The following DSPP variants were observed in gnomAD, a reference collection of about 807,000 sequenced individuals.
The protein encoded by DSPP is deafness, autosomal dominant 39.
DSPP carries 28 observed loss-of-function variants against 29.1 expected under a neutral mutation model. The observed-to-expected ratio is 0.96, with a 90% confidence interval of 0.71 to 1.32. The LOEUF is 1.32. Among genes scored for constraint, DSPP ranks in the 40% most tolerant of loss-of-function variants. The pLI, the probability that DSPP is intolerant of heterozygous loss-of-function variation, is 0.00. For synonymous variants in DSPP, 481 were observed against 503.4 expected (o/e 0.96, Z 0.60); for missense variants, 1,281 against 1,629.9 (o/e 0.79, Z 3.69).
In DSPP at chr4:87,616,254, A is replaced by G. The variant is rs1166993020; in HGVS notation, c.3592A>G (p.Ser1198Gly). The change falls in exon 5 of 5, where the codon AGC becomes GGC. Residue 1198 changes from serine (S) to glycine (G), a missense_variant. Around this residue, in one of 4 missense-constraint regions of DSPP, gnomAD observed 134 missense variants for 185.0 expected, o/e 0.72. Transcript: ENST00000651931. ...CAGTGACAGCAGCGACAGCAGCGATAGCAGCGACAGCAGCGATAGTAGTGA... is the reference window on the plus strand; with the variant it reads ...CAGTGACAGCAGCGACAGCAGCGATGGCAGCGACAGCAGCGATAGTAGTGA... ...DSSDSSDSSD[S>G]SDSSDSSDSS... The G allele has an allele frequency of 1.3e-6, 2 of 1,532,924 alleles. No homozygotes were observed. The highest frequency in any genetic ancestry group is 2.8e-5 in the African/African-American group (2 of 71,298). 95.0% of individuals were successfully genotyped at this position (1,532,924 alleles called of 1,614,324 possible). A position where few individuals can be genotyped will look rare whatever the true frequency, so the allele number is the denominator to read the frequency against.
In DSPP at chr4:87,611,061, G is replaced by GTGTGCA; in HGVS notation, c.51+104_51+105insTGCATG. ...TGTGTGTGTGTGTGTGTGTGTGTGTGTGCATGTACATGTGTGTATATATGT... is the reference window on the plus strand; with the variant it reads ...TGTGTGTGTGTGTGTGTGTGTGTGTGTGTGCATGCATGTACATGTGTGTATATATGT... On this transcript the variant is annotated intron_variant, in intron 2 of 4. Coordinates refer to ENST00000651931, the MANE Select transcript of DSPP (RefSeq NM_014208.3). 3 of 1,140,526 alleles carry GTGTGCA rather than the reference G, an allele frequency of 2.6e-6. No homozygotes were observed. The South Asian group carries it at 3.8e-5, about 14-fold the overall frequency. The allele number at this position is 1,140,526 out of a possible 1,614,324, so 70.7% of individuals were successfully genotyped here. A position where few individuals can be genotyped will look rare whatever the true frequency, so the allele number is the denominator to read the frequency against.
At chr4:87,610,165 T>A (rs1042317095) in intron 1 of DSPP, among the ~76,000 whole-genome samples, 1 of 152,108 alleles carries the variant, frequency 6.6e-6, no homozygotes, top group East Asian at 1.9e-4. Context: ...TTTTAAACAG[T>A]GCAATGCGTT....
At chr4:87,611,065 A>ATGTACATG in intron 2 of DSPP, 106 bp downstream of exon 2, 1 of 615,852 alleles carries the variant, frequency 1.6e-6, no homozygotes, top group Non-Finnish European at 2.6e-6. Context: ...GTGTGTGTGC[A>ATGTACATG]TGTACATGTG....
chr4:87,613,359 C>T (rs1326141495), intron 4 of DSPP, 51 bp downstream of exon 4: 2 of 1,588,968 alleles, frequency 1.3e-6, no homozygotes, highest in East Asian at 4.5e-5. Context: ...TTCTTCCCCT[C>T]CATCTATTGA....
At chr4:87,609,775 TAGG>T (rs1347803127) in intron 1 of DSPP, among the ~76,000 whole-genome samples, 1 of 152,232 alleles carries the variant, frequency 6.6e-6, no homozygotes, top group Non-Finnish European at 1.5e-5. Context: ...GTTCATGAAA[TAGG>T]AGTAAAACTC....
rs777900733 is a variant in DSPP at position 87,615,277 on chromosome 4, A to C, written c.2615A>C (p.Asp872Ala). 3.6e-5 allele frequency: 54 copies of C among 1,515,414 alleles called. No homozygotes were observed. In the East Asian group the frequency reaches 6.1e-4, roughly 17 times the overall value. The allele number at this position is 1,515,414 out of a possible 1,614,324, so 93.9% of individuals were successfully genotyped here. A position where few individuals can be genotyped will look rare whatever the true frequency, so the allele number is the denominator to read the frequency against. ...SNSSDSSDSS[D>A]SSNSSDSSDS... ...AGTAGTGACAGCAGCGATAGCAGTGACAGCAGCAACAGCAGTGACAGCAGT... is the reference window on the plus strand; with the variant it reads ...AGTAGTGACAGCAGCGATAGCAGTGCCAGCAGCAACAGCAGTGACAGCAGT... The change falls in exon 5 of 5, where the codon GAC becomes GCC. Residue 872 changes from aspartate (D) to alanine (A), a missense_variant. Asp to Ala is a moderately radical substitution (Grantham distance 126, BLOSUM62 -2). This residue lies in a region of DSPP where 444 missense variants were observed against 611.4 expected (regional missense o/e 0.73). Coordinates refer to ENST00000651931, the MANE Select transcript of DSPP (RefSeq NM_014208.3).
chr4:87,612,274 C>T lies in DSPP; in HGVS notation c.136-48C>T, dbSNP rs758118247. The T allele has an allele frequency of 1.3e-5, 21 of 1,612,674 alleles. No homozygotes were observed. The South Asian group carries it at 2.2e-4, about 17-fold the overall frequency. On this transcript the variant is annotated intron_variant, in intron 3 of 4. Coordinates refer to ENST00000651931, the MANE Select transcript of DSPP (RefSeq NM_014208.3). ...TTCTCCAAGATTGCAATTTGCTTTC[C>T]TTCAAGATCATTGATACTTATAATT...
In DSPP at chr4:87,613,077, A is replaced by G. The variant is rs748555876; in HGVS notation, c.891A>G (p.Gln297=). Residue 297 remains glutamine, a synonymous_variant, in exon 4 of 5, where the codon CAA becomes CAG. Transcript: ENST00000651931. The part of the protein sequence containing the change: ...KEDDHDSSIG[Q]NSDSKEYYDP... Reference sequence around the variant, plus strand: ...ATGATCATGATAGTAGCATAGGTCAAAATTCAGATAGTAAAGAATATTATG... The same window carrying G: ...ATGATCATGATAGTAGCATAGGTCAGAATTCAGATAGTAAAGAATATTATG... 1.2e-6 allele frequency: 2 copies of G among 1,614,170 alleles called. No homozygotes were observed. The highest frequency in any genetic ancestry group is 1.7e-5 in the Admixed American group (1 of 60,022).
chr4:87,616,309 G>T lies in DSPP; in HGVS notation c.3647G>T (p.Ser1216Ile). The T allele has an allele frequency of 6.6e-7, 1 of 1,514,892 alleles. No homozygotes were observed. The highest frequency in any genetic ancestry group is 2.5e-5 in the East Asian group (1 of 39,694). 93.8% of individuals were successfully genotyped at this position (1,514,892 alleles called of 1,614,324 possible). A position where few individuals can be genotyped will look rare whatever the true frequency, so the allele number is the denominator to read the frequency against. ...AGTGACAGCAGTGACAGCAGCGACA[G>T]CAGTGACAGCAGCGACAGCAGTGAC... is the stretch of plus-strand genomic sequence containing the variant. The part of the protein sequence containing the change: ...DSSDSSDSSD[S>I]SDSSDSSDSS... Residue 1216 changes from serine (S) to isoleucine (I), a missense_variant, in exon 5 of 5, where the codon AGC (serine) becomes ATC (isoleucine). By Grantham distance (142) the Ser-to-Ile change is moderately radical (BLOSUM62 -2). Coordinates refer to ENST00000651931, the MANE Select transcript of DSPP (RefSeq NM_014208.3).
chr4:87,616,210 G>A lies in DSPP; in HGVS notation c.3548G>A (p.Ser1183Asn), dbSNP rs1727934783. Residue 1183 changes from serine (S) to asparagine (N), a missense_variant, in exon 5 of 5, where the codon AGC becomes AAC. By Grantham distance (46) the Ser-to-Asn change is conservative. Around this residue, in one of 4 missense-constraint regions of DSPP, gnomAD observed 134 missense variants for 185.0 expected, o/e 0.72. Transcript: ENST00000651931. The stretch of plus-strand genomic sequence containing the variant: ...AGTGACAGCAGCAATAGCAGTGATA[G>A]CAGCGACAGCAGTGATAGCAGTGAC... ...DSSDSSNSSD[S>N]SDSSDSSDSS... 1.3e-6 allele frequency: 2 copies of A among 1,542,268 alleles called. No homozygotes were observed. The highest frequency in any genetic ancestry group is 1.4e-5 in the African/African-American group (1 of 72,196).
Position 87,616,461 on chromosome 4 carries a change from G to A in DSPP, c.3799G>A (p.Asp1267Asn). Residue 1267 changes from aspartate (D) to asparagine (N), a missense_variant, in exon 5 of 5, where the codon GAT becomes AAT. Asp to Asn is a conservative substitution (Grantham distance 23). This residue lies in a region of DSPP where 134 missense variants were observed against 185.0 expected (regional missense o/e 0.72). Transcript: ENST00000651931. ...CAGTGACAGCACATCTGACAGCAAT[G>A]ATGAGAGTGACAGCCAGAGCAAGTC... is the stretch of plus-strand genomic sequence containing the variant. ...DSSDSTSDSN[D>N]ESDSQSKSGN... The A allele has an allele frequency of 6.4e-7, 1 of 1,551,728 alleles. No homozygotes were observed. Among genetic ancestry groups the A allele is most frequent in the South Asian group, 1.2e-5 (1 of 84,066 alleles).
intron 1 of DSPP, among the ~76,000 whole-genome samples, chr4:87,609,338 C>A (rs908222020): frequency 2.0e-5 from 3 of 152,190 alleles, no homozygotes; most frequent in Non-Finnish European, 4.4e-5. Flanking sequence ...CTGCAGGTAC[C>A]TTTCCAGTAT....
rs1200579846 is a variant in DSPP, at chr4:87,615,658, A to G, written c.2996A>G (p.Asp999Gly). Residue 999 changes from aspartate to glycine, a missense_variant, in exon 5 of 5, where the codon GAT becomes GGT. By Grantham distance (94) the Asp-to-Gly change is moderately conservative (BLOSUM62 -1). This residue lies in a region of DSPP where 444 missense variants were observed against 611.4 expected (regional missense o/e 0.73). Coordinates refer to ENST00000651931, the MANE Select transcript of DSPP (RefSeq NM_014208.3). Reference protein sequence around the residue: ...SDSSDSSDSSDSSNSSDSSDS... With the variant: ...SDSSDSSDSSGSSNSSDSSDS... Reference sequence around the variant, plus strand: ...AGCAGTGACAGCAGTGACAGCAGTGATAGCAGCAACAGCAGTGATAGCAGT... The same window carrying G: ...AGCAGTGACAGCAGTGACAGCAGTGGTAGCAGCAACAGCAGTGATAGCAGT... 1.3e-6 allele frequency: 2 copies of G among 1,540,572 alleles called. No individual in the cohort carries two copies. Among genetic ancestry groups the G allele is most frequent in the Admixed American group, 2.0e-5 (1 of 50,130 alleles).
At position 87,613,829 on chromosome 4, in the gene DSPP, C is replaced by A. The variant is rs1398163744; in HGVS notation, c.1167C>A (p.Thr389=). 6.2e-7 allele frequency: 1 copy of A among 1,614,014 alleles called. No individual in the cohort carries two copies. Among genetic ancestry groups the A allele is most frequent in the South Asian group, 1.1e-5 (1 of 91,060 alleles). ...KGPSSGNRNI[T]KEVGKGNEGK... ...CCAGCAGTGGCAACAGAAATATTACCAAAGAAGTTGGGAAAGGCAACGAAG... is the reference window on the plus strand; with the variant it reads ...CCAGCAGTGGCAACAGAAATATTACAAAAGAAGTTGGGAAAGGCAACGAAG... The change falls in exon 5 of 5, where the codon ACC becomes ACA. Residue 389 remains threonine (T), a synonymous_variant. Transcript: ENST00000651931.
Position 87,614,306 on chromosome 4 carries a change from TAGC to T in DSPP, c.1647_1649del (p.Ser550del), listed in dbSNP as rs1409340199. On this transcript the variant is annotated inframe_deletion, in exon 5 of 5. Transcript: ENST00000651931. ...CAGACAGTGGCAAAGGTAAATCAGATAGCAGTGACAGTGATAGTAGTGATAGCA... is the reference window on the plus strand; with the variant it reads ...CAGACAGTGGCAAAGGTAAATCAGATAGTGACAGTGATAGTAGTGATAGCA... 2.5e-6 allele frequency: 4 copies of T among 1,613,414 alleles called. No homozygotes were observed. The highest frequency in any genetic ancestry group is 1.7e-6 in the Non-Finnish European group (2 of 1,179,634).
At position 87,615,223 on chromosome 4, in the gene DSPP, A is replaced by T. The variant is rs1727852219; in HGVS notation, c.2561A>T (p.Asp854Val). ...GATAGCAGTGACGGCAGTGATAGCG[A>T]CAGCAGCAATAGAAGTGACAGTAGT... ...SSDSSDGSDS[D>V]SSNRSDSSNS... The change falls in exon 5 of 5, where the codon GAC (aspartate) becomes GTC (valine). Residue 854 changes from aspartate to valine, a missense_variant. Asp to Val is a radical substitution (Grantham distance 152, BLOSUM62 -3). Around this residue, in one of 4 missense-constraint regions of DSPP, gnomAD observed 444 missense variants for 611.4 expected, o/e 0.73. Coordinates refer to ENST00000651931, the MANE Select transcript of DSPP (RefSeq NM_014208.3). 3.3e-6 allele frequency: 5 copies of T among 1,522,426 alleles called. No individual in the cohort carries two copies. The highest frequency in any genetic ancestry group is 4.4e-6 in the Non-Finnish European group (5 of 1,132,648). 94.3% of individuals were successfully genotyped at this position (1,522,426 alleles called of 1,614,324 possible). A position where few individuals can be genotyped will look rare whatever the true frequency, so the allele number is the denominator to read the frequency against.
At position 87,616,464 on chromosome 4, in the gene DSPP, G is replaced by A; in HGVS notation, c.3802G>A (p.Glu1268Lys). 1 of 1,551,732 alleles carries A rather than the reference G, an allele frequency of 6.4e-7. No individual in the cohort carries two copies. Among genetic ancestry groups the A allele is most frequent in the East Asian group, 2.4e-5 (1 of 40,930 alleles). ...TGACAGCACATCTGACAGCAATGAT[G>A]AGAGTGACAGCCAGAGCAAGTCTGG... The part of the protein sequence containing the change: ...SSDSTSDSND[E>K]SDSQSKSGNG... Residue 1268 changes from glutamate (E) to lysine (K), a missense_variant, in exon 5 of 5, where the codon GAG (glutamate) becomes AAG (lysine). Glu to Lys is a moderately conservative substitution (Grantham distance 56). This residue lies in a region of DSPP where 134 missense variants were observed against 185.0 expected (regional missense o/e 0.72). Transcript: ENST00000651931.
Position 87,611,633 on chromosome 4 carries a change from C to T in DSPP, c.52-472C>T, listed in dbSNP as rs568761103. Among the ~76,000 whole-genome samples, 6 of 152,264 alleles carry T rather than the reference C, an allele frequency of 3.9e-5. No homozygotes were observed. The South Asian group carries it at 1.2e-3, about 32-fold the overall frequency. ...AATGTTCTCAAGTATTTCAAATGTG[C>T]TCTTGCAGAGCACAGAAGTATACTA... On this transcript the variant is annotated intron_variant, in intron 2 of 4. Coordinates refer to ENST00000651931, the MANE Select transcript of DSPP (RefSeq NM_014208.3).
At chr4:87,613,688 C>T in intron 4 of DSPP, 97 bp from the exon 5 acceptor site, 2 of 1,549,778 alleles carry the variant, frequency 1.3e-6, no homozygotes, top group South Asian at 2.3e-5. Flanking sequence ...TAACTCCTAT[C>T]CCTATGGCAA....
Sources: allele counts gnomAD v4.1 joint callset (sites outside exome capture counted in the v4.1 genomes callset), GRCh38; gene constraint gnomAD v4.1.1; regional missense constraint gnomAD v4.1.1; transcripts MANE v1.5; gene names NCBI Gene and HGNC (gene_info 2026-07-23, HGNC 2026-07-21).